The following DLGAP2 variants were observed in gnomAD, a reference collection of about 807,000 sequenced individuals.
DLGAP2 encodes the protein disks large-associated protein 2.
A neutral mutation model predicts 100.3 loss-of-function variants in DLGAP2; 26 were observed. That is an observed-to-expected ratio of 0.26 (90% CI 0.19 to 0.36). The LOEUF (loss-of-function observed/expected upper bound fraction) is 0.36. Among genes scored for constraint, DLGAP2 ranks in the 10% least tolerant of loss-of-function variants. The probability of loss-of-function intolerance (pLI) is 1.00; values close to 1 mark genes in which losing one functional copy is unlikely to be tolerated. For synonymous variants in DLGAP2, 886 were observed against 630.1 expected (o/e 1.41, Z -6.08); for missense variants, 1,858 against 1,453.2 (o/e 1.28, Z -4.53).
intron 3 of DLGAP2, among the ~76,000 whole-genome samples, chr8:1,453,878 A>G (rs759398350): frequency 6.6e-6 from 1 of 152,204 alleles, no homozygotes; most frequent in Non-Finnish European, 1.5e-5. Context: ...TGGAAACTGG[A>G]TATTCAGATG....
chr8:1,302,381 A>G (rs945586373), intron 3 of DLGAP2: 20 of 95,284 alleles, frequency 2.1e-4, no homozygotes, highest in African/African-American at 8.5e-4. Flanking sequence ...GCTCTGCTCC[A>G]TACCTGGGAC....
chr8:1,020,751 G>A (rs533299434), intron 2 of DLGAP2, among the ~76,000 whole-genome samples: 2 of 152,172 alleles, frequency 1.3e-5, no homozygotes, highest in African/African-American at 2.4e-5. Flanking sequence ...AGGAGAATAC[G>A]CACAGAACCC....
intron 6 of DLGAP2, among the ~76,000 whole-genome samples, chr8:1,581,408 C>A (rs546635166): frequency 9.2e-5 from 14 of 151,480 alleles, no homozygotes; most frequent in Non-Finnish European, 1.6e-4. Context: ...ACAGAAAAAA[C>A]CCCACACACA....
At chr8:993,594 C>G (rs1800691234) in intron 2 of DLGAP2, among the ~76,000 whole-genome samples, 1 of 152,006 alleles carries the variant, frequency 6.6e-6, no homozygotes, top group Non-Finnish European at 1.5e-5. Flanking sequence ...AGCTCGTGTT[C>G]TCCTATTGCT....
chr8:1,381,116 C>T (rs1288252612), intron 3 of DLGAP2: 1 of 152,042 alleles, frequency 6.6e-6, no homozygotes, highest in African/African-American at 2.4e-5. Flanking sequence ...TGAGGAGTTG[C>T]TGTTCGTAAC....
rs1563224240 is a variant in DLGAP2 at position 1,164,200 on chromosome 8, AGCCCCCAGGGCCC to A, written c.74-94649_74-94637del. On this transcript the variant is annotated intron_variant, in intron 2 of 14. Transcript: ENST00000637795. Reference sequence around the variant, plus strand: ...TTTGGTTTGTGGGGATTTTTCTGTGAGCCCCCAGGGCCCGTCATTTTGGTTTGTGGGGACAGAT... The same window carrying A: ...TTTGGTTTGTGGGGATTTTTCTGTGAGTCATTTTGGTTTGTGGGGACAGAT... Among the ~76,000 whole-genome samples, 36 of 57,554 alleles carry A rather than the reference AGCCCCCAGGGCCC, an allele frequency of 6.3e-4. 2 individuals carry two copies. Among genetic ancestry groups the A allele is most frequent in the Admixed American group, 3.4e-4 (2 of 5,844 alleles). The allele number at this position is 57,554 out of a possible 152,430, so 37.8% of individuals were successfully genotyped here.
chr8:1,672,496 G>A (rs1453141923), intron 10 of DLGAP2, among the ~76,000 whole-genome samples: 1 of 152,196 alleles, frequency 6.6e-6, no homozygotes, highest in African/African-American at 2.4e-5. Flanking sequence ...CCCAAGTGCT[G>A]GGATTACAGG....
intron 2 of DLGAP2, among the ~76,000 whole-genome samples, chr8:952,509 C>T (rs1009179001): frequency 7.2e-5 from 11 of 152,034 alleles, no homozygotes; most frequent in Non-Finnish European, 1.3e-4. Flanking sequence ...TAGTGGTGGG[C>T]GTCTATAATC....
intron 2 of DLGAP2, among the ~76,000 whole-genome samples, chr8:1,201,926 GCT>G (rs369375818): frequency 6.6e-6 from 1 of 151,778 alleles, no homozygotes; most frequent in African/African-American, 2.4e-5. Flanking sequence ...GTGGTATCTA[GCT>G]CTGTGTGTGA....
At chr8:844,640 CA>C (rs1160274511) in intron 1 of DLGAP2, among the ~76,000 whole-genome samples, 1 of 152,220 alleles carries the variant, frequency 6.6e-6, no homozygotes, top group Non-Finnish European at 1.5e-5. Flanking sequence ...ATGGGGACTC[CA>C]AACCACATGG....
intron 6 of DLGAP2, among the ~76,000 whole-genome samples, chr8:1,593,996 G>C (rs1335746790): frequency 1.3e-5 from 2 of 152,168 alleles, no homozygotes; most frequent in Non-Finnish European, 2.9e-5. Context: ...CATAGGGGAG[G>C]ACAGAGATGA....
At position 1,431,080 on chromosome 8, in the gene DLGAP2, A is replaced by T. The variant is rs549932393; in HGVS notation, c.107-70286A>T. Among the ~76,000 whole-genome samples the T allele has an allele frequency of 6.6e-5, 10 of 152,342 alleles. No homozygotes were observed. In the South Asian group the frequency reaches 1.9e-3, roughly 28 times the overall value. ...AACAAAAATGTGCCTGCAAACTGTA[A>T]AATGGGAAGCAAAGGCTACTACTAT... On this transcript the variant is annotated intron_variant, in intron 3 of 14. Transcript: ENST00000637795.
chr8:997,865 CAA>C (rs772348535), intron 2 of DLGAP2, among the ~76,000 whole-genome samples: 185 of 107,024 alleles, frequency 1.7e-3, no homozygotes, highest in Middle Eastern at 9.1e-3. Flanking sequence ...CACATACACA[CAA>C]ACACACATAC....
At chr8:1,085,071 C>G (rs1803930592) in intron 2 of DLGAP2, among the ~76,000 whole-genome samples, 1 of 152,180 alleles carries the variant, frequency 6.6e-6, no homozygotes, top group African/African-American at 2.4e-5. Flanking sequence ...CAAGTGTGAG[C>G]TGATACGTGA....
At chr8:1,426,381 A>G (rs577664890) in intron 3 of DLGAP2, among the ~76,000 whole-genome samples, 50 of 152,330 alleles carry the variant, frequency 3.3e-4, no homozygotes, top group African/African-American at 1.2e-3. Context: ...GAACATGGCC[A>G]AGGAATACAA....
At chr8:759,506 C>T (rs1007032620) in intron 1 of DLGAP2, among the ~76,000 whole-genome samples, 3 of 151,808 alleles carry the variant, frequency 2.0e-5, no homozygotes, top group African/African-American at 7.3e-5. Flanking sequence ...CGTGGGGCTC[C>T]CTCCTGGGCT....
intron 4 of DLGAP2, among the ~76,000 whole-genome samples, chr8:1,503,061 A>G (rs1330354345): frequency 2.0e-5 from 3 of 152,134 alleles, no homozygotes; most frequent in Non-Finnish European, 4.4e-5. Flanking sequence ...CACACAAGTG[A>G]GCATCGAGGG....
chr8:1,019,388 A>AGGGGTGGTGAT (rs1328102685), intron 2 of DLGAP2: 1 of 151,894 alleles, frequency 6.6e-6, no homozygotes, highest in Non-Finnish European at 1.5e-5. Context: ...CCCCGTGGCA[A>AGGGGTGGTGAT]CTCACAAAGC....
At chr8:967,819 TATATATATATATATATA>T (rs1563119202) in intron 2 of DLGAP2, among the ~76,000 whole-genome samples, 1,506 of 26,796 alleles carry the variant, frequency 0.056, 223 homozygotes, top group Non-Finnish European at 0.062. Flanking sequence ...AACACCACTA[TATATATATATATATATA>T]TATATATATA....
Sources: gnomAD v4.1 joint callset for allele counts (sites outside exome capture counted in the v4.1 genomes callset) on GRCh38, gnomAD v4.1.1 for gene constraint, MANE v1.5 for transcripts, NCBI Gene and HGNC (gene_info 2026-07-23, HGNC 2026-07-21) for gene names.